TXNL4A: variants seen among roughly 807,000 people sequenced by gnomAD.
TXNL4A encodes thioredoxin like 4A.
Under a neutral mutation model 14.6 loss-of-function variants are expected in TXNL4A, and 17 were observed. The ratio of observed to expected loss-of-function variants is 1.16; its 90% CI spans 0.80 to 1.74. The LOEUF (loss-of-function observed/expected upper bound fraction) is 1.74. Among genes scored for constraint, TXNL4A ranks in the 40% most tolerant of loss-of-function variants. The pLI is 0.00. For synonymous variants in TXNL4A, 83 were observed against 70.6 expected (o/e 1.18, Z -0.88); for missense variants, 74 against 195.2 (o/e 0.38, Z 3.70).
intron 1 of TXNL4A, among the ~76,000 whole-genome samples, chr18:80,032,676 T>C (rs2105717): frequency 0.76 from 115,927 of 152,060 alleles, 44,939 homozygotes; most frequent in East Asian, 0.91. Flanking sequence ...ACCGTCTCTA[T>C]TAAAAATACA....
At chr18:80,020,580 T>C (rs72972216) in intron 1 of TXNL4A, among the ~76,000 whole-genome samples, 17,060 of 152,192 alleles carry the variant, frequency 0.11, 1,180 homozygotes, top group East Asian at 0.27. Flanking sequence ...CCAAGGCTAT[T>C]CCCTTTCTTT....
intron 1 of TXNL4A, among the ~76,000 whole-genome samples, chr18:79,987,039 GCTGGTACT>G (rs2051561266): frequency 6.6e-6 from 1 of 152,148 alleles, no homozygotes; most frequent in Non-Finnish European, 1.5e-5. Context: ...CTGCGAGATG[GCTGGTACT>G]AAAGCTACTC....
chr18:80,030,193 G>A (rs968049675), intron 1 of TXNL4A, among the ~76,000 whole-genome samples: 38 of 152,176 alleles, frequency 2.5e-4, no homozygotes, highest in Non-Finnish European at 7.3e-5. Flanking sequence ...GCAGACAACA[G>A]CTGTTGTGGA....
At chr18:80,026,625 T>G (rs963128519) in intron 1 of TXNL4A, among the ~76,000 whole-genome samples, 1 of 152,198 alleles carries the variant, frequency 6.6e-6, no homozygotes, top group Non-Finnish European at 1.5e-5. Flanking sequence ...GTTAACATGG[T>G]GGGTATGTCT....
chr18:80,012,647 CTAG>C (rs1201433396), intron 1 of TXNL4A, among the ~76,000 whole-genome samples: 3 of 152,210 alleles, frequency 2.0e-5, no homozygotes, highest in African/African-American at 7.2e-5. Context: ...CATACTTAGT[CTAG>C]TTATCCACAG....
At position 79,974,665 on chromosome 18, in the gene TXNL4A, G is replaced by C. The variant is rs1599710042; in HGVS notation, c.258-809C>G. Among the ~76,000 whole-genome samples the C allele has an allele frequency of 2.6e-5, 4 of 152,286 alleles. No homozygotes were observed. In the South Asian group the frequency reaches 8.3e-4, roughly 32 times the overall value. ...AGATAAATTTCTAGTTTTTTGTAAA[G>C]ATGGGGTGTCCCCATGTTGGCCAGG... On this transcript the variant is annotated intron_variant, in intron 2 of 2. Coordinates refer to ENST00000269601, the MANE Select transcript of TXNL4A (RefSeq NM_006701.5).
At chr18:80,003,921 C>T (rs575993335) in intron 1 of TXNL4A, among the ~76,000 whole-genome samples, 1 of 152,116 alleles carries the variant, frequency 6.6e-6, no homozygotes, top group Admixed American at 6.5e-5. Context: ...CACAACAGCA[C>T]GGGGAAAACC....
chr18:80,010,077 G>A (rs1378858179), intron 1 of TXNL4A, among the ~76,000 whole-genome samples: 3 of 152,158 alleles, frequency 2.0e-5, no homozygotes, highest in Non-Finnish European at 4.4e-5. Context: ...CAGTTATTAC[G>A]CAATGCACCA....
At chr18:80,024,514 C>T (rs1477149364) in intron 1 of TXNL4A, among the ~76,000 whole-genome samples, 1 of 152,108 alleles carries the variant, frequency 6.6e-6, no homozygotes, top group Non-Finnish European at 1.5e-5. Flanking sequence ...GTCCTTTCCC[C>T]AATCAGATGT....
rs115829680 is a variant in TXNL4A, at chr18:80,004,683, T to C, written c.-60-26982A>G. Among the ~76,000 whole-genome samples the C allele has an allele frequency of 8.0e-3, 1,220 of 152,296 alleles. 19 individuals carry two copies. The highest frequency in any genetic ancestry group is 0.027 in the African/African-American group (1,134 of 41,548). The stretch of plus-strand genomic sequence containing the variant: ...CACATTGAATTTAGAACTTTAGCTT[T>C]GACCCATGCAGAAGTGAATGTGCAC... On this transcript the variant is annotated intron_variant, in intron 1 of 2. Coordinates refer to the TXNL4A transcript ENST00000585474.
At chr18:79,996,942 C>T (rs906450677) in intron 1 of TXNL4A, among the ~76,000 whole-genome samples, 1 of 152,158 alleles carries the variant, frequency 6.6e-6, no homozygotes, top group East Asian at 1.9e-4. Context: ...GACTCCATCT[C>T]ACAAAGAAAA....
intron 1 of TXNL4A, among the ~76,000 whole-genome samples, chr18:80,001,833 A>G (rs1316594814): frequency 3.9e-5 from 6 of 152,122 alleles, no homozygotes; most frequent in African/African-American, 1.4e-4. Context: ...GGCAGAAGGG[A>G]CTTGCTGTGT....
At chr18:80,009,247 C>T (rs1457004062) in intron 1 of TXNL4A, among the ~76,000 whole-genome samples, 5 of 152,222 alleles carry the variant, frequency 3.3e-5, no homozygotes, top group South Asian at 2.1e-4. Context: ...TTTAGCAGCT[C>T]GAATGGAATG....
chr18:79,984,884 A>G (rs956468462), intron 1 of TXNL4A, among the ~76,000 whole-genome samples: 1 of 152,252 alleles, frequency 6.6e-6, no homozygotes, highest in Non-Finnish European at 1.5e-5. Context: ...AACCCCAAGC[A>G]CTGCTGTGAG....
At chr18:79,973,896 T>G in intron 2 of TXNL4A, 40 bp from the exon 3 acceptor site, 1 of 1,595,918 alleles carries the variant, frequency 6.3e-7, no homozygotes, top group Non-Finnish European at 8.5e-7. Flanking sequence ...CATAGAAGTC[T>G]CTTTAAAAAA....
intron 1 of TXNL4A, among the ~76,000 whole-genome samples, chr18:80,007,152 T>G (rs190323207): frequency 1.6e-4 from 25 of 152,318 alleles, no homozygotes; most frequent in Admixed American, 3.9e-4. Flanking sequence ...CTGCTTTTTG[T>G]TAAAAGGAAA....
intron 1 of TXNL4A, among the ~76,000 whole-genome samples, chr18:80,000,126 A>G (rs1357871448): frequency 1.3e-5 from 2 of 152,334 alleles, no homozygotes; most frequent in East Asian, 3.9e-4. Flanking sequence ...TGGTGTTGTA[A>G]AGATACCCAA....
Position 80,011,051 on chromosome 18 carries a change from G to A in TXNL4A, c.-61+22800C>T, listed in dbSNP as rs1188335119. ...CCTCCTGGGGTTGGTTTAAGGGTCC[G>A]CGGAAGAAAGGCACATCCATGTGTG... On this transcript the variant is annotated intron_variant, in intron 1 of 2. Coordinates refer to the TXNL4A transcript ENST00000585474. The surrounding 1 kb of genome is among the most constrained non-coding windows in gnomAD (Gnocchi z 4.1). 2.6e-5 allele frequency among the ~76,000 whole-genome samples: 4 copies of A among 152,036 alleles called. No homozygotes were observed. Among genetic ancestry groups the A allele is most frequent in the Non-Finnish European group, 5.9e-5 (4 of 67,996 alleles).
At chr18:80,020,522 G>C (rs1236845316) in intron 1 of TXNL4A, among the ~76,000 whole-genome samples, 1 of 152,188 alleles carries the variant, frequency 6.6e-6, no homozygotes, top group Non-Finnish European at 1.5e-5. Context: ...TTTTTGCTTA[G>C]GTAACCAAAT....
Sources: allele counts gnomAD v4.1 joint callset (sites outside exome capture counted in the v4.1 genomes callset), GRCh38; gene constraint gnomAD v4.1.1; non-coding constraint Gnocchi (gnomAD v3.1); transcripts MANE v1.5; gene names NCBI Gene and HGNC (gene_info 2026-07-23, HGNC 2026-07-21).